WIPF3: variants seen among roughly 807,000 people sequenced by gnomAD.
WIPF3 encodes WAS/WASL-interacting protein family member 3.
In WIPF3, 33 loss-of-function variants were observed where a neutral mutation model predicts 38.9. The observed-to-expected ratio is 0.85, with a 90% CI of 0.64 to 1.14. The LOEUF (loss-of-function observed/expected upper bound fraction) is 1.14, where lower values mean the gene tolerates loss of function less well. WIPF3 is among the 50% of genes most tolerant of loss of function. The pLI, the probability that WIPF3 is intolerant of heterozygous loss-of-function variation, is 0.00. For missense variants in WIPF3, 711 were observed against 652.5 expected (o/e 1.09, Z -0.98); for synonymous variants, 324 against 269.3 (o/e 1.20, Z -1.99).
chr7:29,910,528 G>T (rs1786486881), intron 8 of WIPF3, among the ~76,000 whole-genome samples: 1 of 151,976 alleles, frequency 6.6e-6, no homozygotes, highest in South Asian at 2.1e-4. Context: ...TAAAATACTA[G>T]CAAATCAAAT....
Position 29,884,310 on chromosome 7 carries a change from T to G in WIPF3, c.816T>G (p.Tyr272Ter), listed in dbSNP as rs1321518476. The G allele has an allele frequency of 1.4e-6, 2 of 1,422,664 alleles. No homozygotes were observed. Among genetic ancestry groups the G allele is most frequent in the Admixed American group, 2.3e-5 (1 of 43,806 alleles). The allele number at this position is 1,422,664 out of a possible 1,614,324, so 88.1% of individuals were successfully genotyped here. ...PPLPLLPPCG[Y>*]PGLKAEPASP... ...TCCCTCTGCTCCCACCTTGTGGGTA[T>G]CCGGGGCTCAAAGCGGAGCCCGCCA... The change falls in exon 5 of 9, where the codon TAT (tyrosine) becomes TAG (stop). Residue 272 changes from tyrosine to a stop codon, truncating the protein, a stop_gained. Transcript: ENST00000242140. LOFTEE classifies it high-confidence loss of function.
intron 2 of WIPF3, among the ~76,000 whole-genome samples, chr7:29,866,451 A>G (rs1785388804): frequency 6.6e-6 from 1 of 152,206 alleles, no homozygotes; most frequent in African/African-American, 2.4e-5. Flanking sequence ...GCTGCTCCAT[A>G]AGAGGTTCTC....
rs1361197797 is a variant in WIPF3, at chr7:29,883,975, G to A, written c.481G>A (p.Ala161Thr). The A allele has an allele frequency of 6.5e-7, 1 of 1,539,336 alleles. No individual in the cohort carries two copies. The highest frequency in any genetic ancestry group is 2.5e-5 in the East Asian group (1 of 40,372). ...RLGNTSEAHG[A>T]ARTAPPRPNV... The stretch of plus-strand genomic sequence containing the variant: ...AGGCAATACCTCCGAGGCGCATGGC[G>A]CTGCCAGGACAGCCCCGCCTCGCCC... The change falls in exon 5 of 9, where the codon GCT becomes ACT. Residue 161 changes from alanine to threonine, a missense_variant. Transcript: ENST00000242140.
chr7:29,894,764 GACACACACAC>G (rs34105700), intron 7 of WIPF3, among the ~76,000 whole-genome samples: 3 of 148,108 alleles, frequency 2.0e-5, no homozygotes, highest in Non-Finnish European at 3.0e-5. Context: ...CTCTCTTTCT[GACACACACAC>G]ACACACACAC....
rs1303205999 is a variant in WIPF3, at chr7:29,903,446, C to G, written c.1352-840C>G. Among the ~76,000 whole-genome samples, 7 of 151,912 alleles carry G rather than the reference C, an allele frequency of 4.6e-5. 1 individual carries two copies. On this transcript the variant is annotated intron_variant, in intron 7 of 8. Coordinates refer to ENST00000242140, the MANE Select transcript of WIPF3 (RefSeq NM_001080529.3). Reference sequence around the variant, plus strand: ...AAATAGTCTATAATGAACATTCATGCTTTTCTGTTGCTTTTTAAATAGCAC... The same window carrying G: ...AAATAGTCTATAATGAACATTCATGGTTTTCTGTTGCTTTTTAAATAGCAC...
intron 2 of WIPF3, among the ~76,000 whole-genome samples, chr7:29,835,964 CT>C (rs1720730739): frequency 1.3e-5 from 2 of 152,192 alleles, no homozygotes; most frequent in Admixed American, 6.5e-5. Context: ...ACCACAGGCC[CT>C]GGTGAGGGTG....
rs1207435636 is a variant in WIPF3, at chr7:29,884,411, C to G, written c.917C>G (p.Ala306Gly). Residue 306 changes from alanine (A) to glycine (G), a missense_variant, in exon 5 of 9, where the codon GCT becomes GGT. Transcript: ENST00000242140. The part of the protein sequence containing the change: ...LPPYASCSPR[A>G]SLPAPPLPGV... ...CCTTATGCTTCTTGCTCCCCGAGGG[C>G]TTCTTTGCCCGCGCCCCCTTTGCCA... The G allele has an allele frequency of 1.8e-6, 2 of 1,111,736 alleles. No individual in the cohort carries two copies. Among genetic ancestry groups the G allele is most frequent in the African/African-American group, 2.1e-5 (1 of 48,144 alleles). The allele number at this position is 1,111,736 out of a possible 1,614,324, so 68.9% of individuals were successfully genotyped here.
At chr7:29,827,561 T>C (rs1784638646) in intron 1 of WIPF3, among the ~76,000 whole-genome samples, 2 of 152,102 alleles carry the variant, frequency 1.3e-5, no homozygotes, top group African/African-American at 4.8e-5. Flanking sequence ...TGATGGACGC[T>C]TAGAGGTGGC....
chr7:29,830,619 CA>C (rs56261573), intron 1 of WIPF3, among the ~76,000 whole-genome samples: 44,898 of 100,648 alleles, frequency 0.45, 6,614 homozygotes, highest in Middle Eastern at 0.56. Context: ...GACTCTGTCT[CA>C]AAAAAAAAAA....
In WIPF3 at chr7:29,813,190, T is replaced by C. The variant is rs1360284630; in HGVS notation, c.-58+6512T>C. Among the ~76,000 whole-genome samples the C allele has an allele frequency of 2.0e-5, 3 of 152,284 alleles. No individual in the cohort carries two copies. The East Asian group carries it at 5.8e-4, about 29-fold the overall frequency. On this transcript the variant is annotated intron_variant, in intron 1 of 8. Transcript: ENST00000242140. ...CCTCCTTGGCTCTATCCCATTGCCG[T>C]TACTCTGATTTAAATAAATACCCAT... is the stretch of plus-strand genomic sequence containing the variant.
intron 1 of WIPF3, among the ~76,000 whole-genome samples, chr7:29,821,382 C>A (rs1372721248): frequency 6.6e-6 from 1 of 152,116 alleles, no homozygotes; most frequent in African/African-American, 2.4e-5. Flanking sequence ...GCAGCCTCCA[C>A]CTTCTAGCCT....
At chr7:29,883,063 G>T (rs1295665487) in intron 4 of WIPF3, among the ~76,000 whole-genome samples, 1 of 152,212 alleles carries the variant, frequency 6.6e-6, no homozygotes, top group Non-Finnish European at 1.5e-5. Flanking sequence ...TCCTGGGGAC[G>T]TGCTCCACCT....
chr7:29,825,714 C>A (rs1784605880), intron 1 of WIPF3, among the ~76,000 whole-genome samples: 1 of 152,144 alleles, frequency 6.6e-6, no homozygotes, highest in African/African-American at 2.4e-5. Context: ...GATCTGGGAA[C>A]AAATTTGCAT....
intron 2 of WIPF3, among the ~76,000 whole-genome samples, chr7:29,850,763 C>T (rs1020767245): frequency 1.3e-5 from 2 of 152,172 alleles, no homozygotes; most frequent in African/African-American, 4.8e-5. Flanking sequence ...CACCATGCCC[C>T]ACCTGGCACA....
chr7:29,904,591 G>A (rs1267942732), intron 8 of WIPF3: 2 of 498,090 alleles, frequency 4.0e-6, no homozygotes, highest in Non-Finnish European at 3.6e-6. Context: ...ACTACATATA[G>A]AAGCAAGTTT....
chr7:29,888,017 A>G, intron 5 of WIPF3, 51 bp from the exon 6 acceptor site: 12 of 1,610,294 alleles, frequency 7.5e-6, no homozygotes, highest in Non-Finnish European at 1.0e-5. Flanking sequence ...AGGTTATAGC[A>G]TCCACCATTC....
rs918907799 is a variant in WIPF3 at position 29,844,893 on chromosome 7, C to T, written c.90+10079C>T. Among the ~76,000 whole-genome samples, 2 of 152,170 alleles carry T rather than the reference C, an allele frequency of 1.3e-5. No homozygotes were observed. Among genetic ancestry groups the T allele is most frequent in the Non-Finnish European group, 2.9e-5 (2 of 68,032 alleles). On this transcript the variant is annotated intron_variant, in intron 2 of 8. Transcript: ENST00000242140. The surrounding 1 kb of genome is among the most constrained non-coding windows in gnomAD (Gnocchi z 4.8). ...CTGAAGCGCTAAACCAAAAGCCCTT[C>T]GATGCAGATCTTCTCAAGGATTACT...
At chr7:29,808,164 A>C (rs1784314133) in intron 1 of WIPF3, among the ~76,000 whole-genome samples, 1 of 152,212 alleles carries the variant, frequency 6.6e-6, no homozygotes, top group East Asian at 1.9e-4. Flanking sequence ...CTCAGTGAAA[A>C]AGTAAATAAA....
At position 29,914,975 on chromosome 7, in the gene WIPF3, A is replaced by T. The variant is rs967123657; in HGVS notation, c.*459A>T. 2 of 151,928 alleles carry T rather than the reference A, an allele frequency of 1.3e-5. No individual in the cohort carries two copies. The highest frequency in any genetic ancestry group is 6.6e-5 in the Admixed American group (1 of 15,218). 9.4% of individuals were successfully genotyped at this position (151,928 alleles called of 1,614,324 possible). ...CAAACCAAATAATGCCTTATCAATG[A>T]TGCAGCTCAGAGGAAGTAGCGTGTC... On this transcript the variant is annotated 3_prime_UTR_variant, in exon 9 of 9. Transcript: ENST00000242140.
Sources: allele counts gnomAD v4.1 joint callset (sites outside exome capture counted in the v4.1 genomes callset), GRCh38; gene constraint gnomAD v4.1.1; non-coding constraint Gnocchi (gnomAD v3.1); transcripts MANE v1.5; gene names NCBI Gene and HGNC (gene_info 2026-07-23, HGNC 2026-07-21).